Variants in POLR1C observed in about 807,000 individuals in gnomAD.
The protein encoded by POLR1C is DNA-directed RNA polymerases I and III subunit RPAC1.
A neutral mutation model predicts 38.3 loss-of-function variants in POLR1C; 42 were observed. That is an observed-to-expected ratio of 1.10 (90% CI 0.86 to 1.42). The LOEUF is 1.42. Ranked by LOEUF, POLR1C falls within the 40% of genes most tolerant of loss-of-function variation. The pLI, the probability that POLR1C is intolerant of heterozygous loss-of-function variation, is 0.00. For synonymous variants in POLR1C, 163 were observed against 163.9 expected, an observed-to-expected ratio of 0.99 and a Z score of 0.04; for missense variants, 507 against 450.5, an observed-to-expected ratio of 1.13 and a Z score of -1.14.
chr6:43,528,730 G>A (rs1793757773), intron 8 of POLR1C: 3 of 1,182,154 alleles, frequency 2.5e-6, no homozygotes. Flanking sequence ...GGCAGGGCTA[G>A]TAGACAACAC....
downstream of POLR1C, among the ~76,000 whole-genome samples, chr6:43,534,566 C>T (rs1408694253): frequency 6.6e-6 from 1 of 152,226 alleles, no homozygotes; most frequent in Non-Finnish European, 1.5e-5. Flanking sequence ...ACTTGATATA[C>T]CCGCTGTCCA....
chr6:43,526,057 T>G (rs920560196), downstream of POLR1C: 1 of 843,750 alleles, frequency 1.2e-6, no homozygotes, highest in African/African-American at 1.7e-5. Context: ...CTAGGAGCCC[T>G]CCCACCTCCA....
exon 11 of POLR1C, chr6:43,561,759 T>C (rs1171217071): frequency 6.5e-6 from 1 of 153,404 alleles, no homozygotes; most frequent in Non-Finnish European, 1.4e-5. Flanking sequence ...CAATTGCAAA[T>C]GTCTGTTCCA....
downstream of POLR1C, chr6:43,525,053 C>T (rs993931858): frequency 1.3e-6 from 2 of 1,576,862 alleles, no homozygotes; most frequent in South Asian, 2.3e-5. Flanking sequence ...TTTAGTCAGT[C>T]TGCATGACCC....
chr6:43,519,992 A>C, intron 4 of POLR1C, 74 bp from the exon 5 acceptor site: 2 of 1,585,576 alleles, frequency 1.3e-6, no homozygotes, highest in Non-Finnish European at 1.7e-6. Context: ...TAAATGGGAA[A>C]CACGTAAAGC....
At chr6:43,541,118 G>A (rs1344310668) in intron 9 of POLR1C, among the ~76,000 whole-genome samples, 1 of 152,082 alleles carries the variant, frequency 6.6e-6, no homozygotes, top group African/African-American at 2.4e-5. Context: ...GGTAGTGGTG[G>A]GTTAGGGGTA....
downstream of POLR1C, chr6:43,524,873 C>T: frequency 1.2e-6 from 2 of 1,613,980 alleles, no homozygotes; most frequent in Non-Finnish European, 1.7e-6. Flanking sequence ...CCAGGGAAGC[C>T]ATGCACCCGT....
chr6:43,553,415 CAA>C (rs756386937), intron 10 of POLR1C: 6 of 1,605,786 alleles, frequency 3.7e-6, no homozygotes, highest in African/African-American at 1.3e-5. Context: ...TAACACTTTC[CAA>C]AAAAAGAGTC....
chr6:43,527,735 C>T (rs1357119698), intron 8 of POLR1C: 14 of 1,613,830 alleles, frequency 8.7e-6, no homozygotes, highest in Non-Finnish European at 1.2e-5. Flanking sequence ...TTCTCCACTG[C>T]AGAAAACCAG....
At chr6:43,526,249 G>A (rs1793580877), downstream of POLR1C, 1 of 390,736 alleles carries the variant, frequency 2.6e-6, no homozygotes, top group South Asian at 3.4e-5. Context: ...AGGACAATAG[G>A]TCCCTTCCCT....
intron 8 of POLR1C, chr6:43,527,833 T>C: frequency 7.8e-7 from 1 of 1,277,352 alleles, no homozygotes; most frequent in Non-Finnish European, 1.1e-6. Flanking sequence ...TTCTTCTCCT[T>C]TGGGTCTTCG....
At chr6:43,555,613 G>C in intron 10 of POLR1C, 1 of 373,436 alleles carries the variant, frequency 2.7e-6, no homozygotes, top group Non-Finnish European at 4.6e-6. Flanking sequence ...TGGCAAAACT[G>C]ATAAGGACAT....
chr6:43,520,270 TC>T lies in POLR1C; in HGVS notation c.503-3del, dbSNP rs1342876307. On this transcript the variant is annotated splice_polypyrimidine_tract_variant and splice_region_variant and intron_variant, in intron 5 of 8. Transcript: ENST00000642195. The stretch of plus-strand genomic sequence containing the variant: ...CTGAGATCTTCTGACATGTTTTTCC[TC>T]CAGTGTATACCAGGCATATGACATG... The T allele has an allele frequency of 8.1e-6, 13 of 1,613,124 alleles. No homozygotes were observed. Among genetic ancestry groups the T allele is most frequent in the Non-Finnish European group, 8.5e-6 (10 of 1,180,020 alleles).
chr6:43,538,944 C>T lies in POLR1C; in HGVS notation c.*4+9585C>T, dbSNP rs543342218. 6.0e-5 allele frequency: 80 copies of T among 1,335,138 alleles called. No homozygotes were observed. The Middle Eastern group carries it at 1.5e-3, about 26-fold the overall frequency. The allele number at this position is 1,335,138 out of a possible 1,614,324, so 82.7% of individuals were successfully genotyped here. A position where few individuals can be genotyped will look rare whatever the true frequency, so the allele number is the denominator to read the frequency against. On this transcript the variant is annotated intron_variant, in intron 9 of 10. Transcript: ENST00000607635. The stretch of plus-strand genomic sequence containing the variant: ...GTAAATACAGTCTCCTTCCAGAGGT[C>T]GGGGGTCAGGTAGCTGTAGGTCTTA...
chr6:43,530,058 C>T (rs1449407089), downstream of POLR1C, among the ~76,000 whole-genome samples: 10 of 152,032 alleles, frequency 6.6e-5, no homozygotes, highest in Admixed American at 3.9e-4. Context: ...AGTTTGAGAC[C>T]AGCCTGGCCA....
At chr6:43,542,476 C>T (rs1261430130) in intron 9 of POLR1C, among the ~76,000 whole-genome samples, 4 of 151,994 alleles carry the variant, frequency 2.6e-5, no homozygotes, top group Non-Finnish European at 4.4e-5. Flanking sequence ...GTAACATGAT[C>T]TCAGCTCACT....
chr6:43,517,184 C>T lies in POLR1C; in HGVS notation c.69+6C>T, dbSNP rs1285469009. 3 of 1,613,870 alleles carry T rather than the reference C, an allele frequency of 1.9e-6. No individual in the cohort carries two copies. The highest frequency in any genetic ancestry group is 1.7e-6 in the Non-Finnish European group (2 of 1,179,898). On this transcript the variant is annotated splice_donor_region_variant and intron_variant, in intron 1 of 8. Transcript: ENST00000642195. Reference sequence around the variant, plus strand: ...GGGAGTTTGGGGTTCGCAATGTAAGCCTTGTGGCCTTGAGCTCGGGCGGGA... The same window carrying T: ...GGGAGTTTGGGGTTCGCAATGTAAGTCTTGTGGCCTTGAGCTCGGGCGGGA...
At chr6:43,530,919 G>A (rs1000889418), downstream of POLR1C, 4 of 1,442,160 alleles carry the variant, frequency 2.8e-6, no homozygotes, top group African/African-American at 4.3e-5. Context: ...CCTACAATAA[G>A]GTTTTTCAGC....
chr6:43,532,771 A>C (rs1561867165), downstream of POLR1C, among the ~76,000 whole-genome samples: 1 of 152,198 alleles, frequency 6.6e-6, no homozygotes, highest in Non-Finnish European at 1.5e-5. Flanking sequence ...CTTCACAGCA[A>C]ATACCACAAT....
Sources: gnomAD v4.1 joint callset for allele counts (sites outside exome capture counted in the v4.1 genomes callset) on GRCh38, gnomAD v4.1.1 for gene constraint, MANE v1.5 for transcripts, NCBI Gene and HGNC (gene_info 2026-07-23, HGNC 2026-07-21) for gene names.